The following RAD51B variants were observed in gnomAD, a reference collection of about 807,000 sequenced individuals.
RAD51B encodes the protein RAD51 paralog B.
In RAD51B, 38 loss-of-function variants were observed where a neutral mutation model predicts 42.2. The ratio of observed to expected loss-of-function variants is 0.90; its 90% CI spans 0.70 to 1.18. The LOEUF (loss-of-function observed/expected upper bound fraction) is 1.18, where lower values mean the gene tolerates loss of function less well. Ranked by LOEUF, RAD51B falls within the 50% of genes most tolerant of loss-of-function variation. RAD51B has a pLI of 0.00. For missense variants in RAD51B, 373 were observed against 400.7 expected, an observed-to-expected ratio of 0.93 and a Z score of 0.59; for synonymous variants, 154 against 145.2, an observed-to-expected ratio of 1.06 and a Z score of -0.43.
intron 11 of RAD51B, among the ~76,000 whole-genome samples, chr14:68,661,690 G>A (rs1202184954): frequency 6.6e-6 from 1 of 152,226 alleles, no homozygotes; most frequent in Non-Finnish European, 1.5e-5. Flanking sequence ...CCAGGCATTG[G>A]AATTCAACAG....
chr14:68,072,148 TTA>T (rs1036536931), intron 7 of RAD51B, among the ~76,000 whole-genome samples: 4 of 133,768 alleles, frequency 3.0e-5, no homozygotes, highest in African/African-American at 1.2e-4. Context: ...TATATATATT[TTA>T]TATATATTTT....
intron 10 of RAD51B, among the ~76,000 whole-genome samples, chr14:68,555,835 G>A (rs1400468962): frequency 6.6e-6 from 1 of 152,156 alleles, no homozygotes; most frequent in Non-Finnish European, 1.5e-5. Flanking sequence ...CTCACCATTA[G>A]ACACACAGGG....
intron 7 of RAD51B, among the ~76,000 whole-genome samples, chr14:67,983,381 C>T (rs1310808330): frequency 6.6e-6 from 1 of 152,162 alleles, no homozygotes; most frequent in African/African-American, 2.4e-5. Flanking sequence ...CTGCTATTGA[C>T]ATAAGAAGGC....
intron 7 of RAD51B, among the ~76,000 whole-genome samples, chr14:68,126,253 T>C (rs2077757396): frequency 1.3e-5 from 2 of 152,334 alleles, no homozygotes; most frequent in African/African-American, 2.4e-5. Flanking sequence ...TTCCCTTAGT[T>C]TATGTAGCCT....
At chr14:67,971,652 A>T (rs1250312732) in intron 7 of RAD51B, among the ~76,000 whole-genome samples, 1 of 152,086 alleles carries the variant, frequency 6.6e-6, no homozygotes, top group Non-Finnish European at 1.5e-5. Flanking sequence ...ATTGTTCTTG[A>T]TGTATTCCAG....
At chr14:68,432,855 A>G (rs1317220895) in intron 9 of RAD51B, among the ~76,000 whole-genome samples, 2 of 152,154 alleles carry the variant, frequency 1.3e-5, no homozygotes, top group African/African-American at 4.8e-5. Flanking sequence ...GATGGTCTTT[A>G]CAATTTGGCG....
chr14:68,535,626 G>C (rs999871043), intron 10 of RAD51B, among the ~76,000 whole-genome samples: 1 of 152,180 alleles, frequency 6.6e-6, no homozygotes, highest in Admixed American at 6.5e-5. Flanking sequence ...ATCTGGGAGC[G>C]CCCTCCGAAG....
At chr14:68,484,359 CTTTTTT>C (rs10665607) in intron 10 of RAD51B, among the ~76,000 whole-genome samples, 3 of 130,180 alleles carry the variant, frequency 2.3e-5, no homozygotes, top group Non-Finnish European at 4.7e-5. Context: ...CTTTCTTTTT[CTTTTTT>C]TTTTTTTTTT....
At chr14:68,377,868 G>A (rs7149619) in intron 8 of RAD51B, among the ~76,000 whole-genome samples, 18,852 of 152,210 alleles carry the variant, frequency 0.12, 2,641 homozygotes, top group African/African-American at 0.35. Flanking sequence ...ATTGGGAGCT[G>A]TAGATTCTTG....
intron 7 of RAD51B, among the ~76,000 whole-genome samples, chr14:67,893,509 CA>C (rs71129863): frequency 4.8e-5 from 4 of 83,770 alleles, no homozygotes; most frequent in African/African-American, 1.9e-4. Flanking sequence ...CACACACACA[CA>C]AAAAAAAACA....
At chr14:68,421,767 C>T in intron 9 of RAD51B, 1 of 1,597,764 alleles carries the variant, frequency 6.3e-7, no homozygotes, top group Non-Finnish European at 8.5e-7. Flanking sequence ...ACCCAAAGCA[C>T]TCCATGCCTC....
intron 3 of RAD51B, among the ~76,000 whole-genome samples, chr14:67,830,825 A>G (rs1246683995): frequency 2.0e-5 from 3 of 152,046 alleles, no homozygotes; most frequent in African/African-American, 7.2e-5. Flanking sequence ...TCCTGAGATC[A>G]GGAATACTGG....
intron 10 of RAD51B, among the ~76,000 whole-genome samples, chr14:68,503,873 G>A (rs544855911): frequency 6.6e-6 from 1 of 152,246 alleles, no homozygotes; most frequent in South Asian, 2.1e-4. Flanking sequence ...GGTGCAAGGA[G>A]GACTTTTTTG....
chr14:68,155,223 G>A lies in RAD51B; in HGVS notation c.757-136661G>A, dbSNP rs189393382. On this transcript the variant is annotated intron_variant, in intron 7 of 10. Transcript: ENST00000471583. ...TTTTTTTTTTTTGAGGTGGAGTCTCGCTCTATTGCCCAGGCTGGAGTGCAG... is the reference window on the plus strand; with the variant it reads ...TTTTTTTTTTTTGAGGTGGAGTCTCACTCTATTGCCCAGGCTGGAGTGCAG... Among the ~76,000 whole-genome samples, 184 of 150,022 alleles carry A rather than the reference G, an allele frequency of 1.2e-3. 1 individual carries two copies. The highest frequency in any genetic ancestry group is 4.3e-3 in the African/African-American group (177 of 40,762).
chr14:68,277,248 A>G (rs1447313796), intron 7 of RAD51B, among the ~76,000 whole-genome samples: 2 of 152,224 alleles, frequency 1.3e-5, no homozygotes, highest in East Asian at 1.9e-4. Context: ...AGAGACAGCC[A>G]TAGGTCCTAA....
intron 7 of RAD51B, among the ~76,000 whole-genome samples, chr14:67,910,710 A>G (rs1040283067): frequency 6.6e-6 from 1 of 152,166 alleles, no homozygotes; most frequent in African/African-American, 2.4e-5. Flanking sequence ...ATAGCCTAGT[A>G]TAATTTATAT....
chr14:68,330,952 T>G (rs1034879579), intron 8 of RAD51B, among the ~76,000 whole-genome samples: 1 of 152,180 alleles, frequency 6.6e-6, no homozygotes, highest in African/African-American at 2.4e-5. Flanking sequence ...CTACTGCAAC[T>G]TAATTGGCAT....
At chr14:68,263,910 G>A (rs750037821) in intron 7 of RAD51B, among the ~76,000 whole-genome samples, 19 of 152,234 alleles carry the variant, frequency 1.2e-4, no homozygotes, top group Non-Finnish European at 2.5e-4. Flanking sequence ...TATGCAAAGA[G>A]AAGTCAACAG....
chr14:68,241,475 G>A (rs970812922), intron 7 of RAD51B, among the ~76,000 whole-genome samples: 34 of 152,140 alleles, frequency 2.2e-4, no homozygotes, highest in African/African-American at 7.2e-4. Context: ...CCAGGAGGCC[G>A]AGCTTGCAGT....
Sources: allele counts gnomAD v4.1 joint callset (sites outside exome capture counted in the v4.1 genomes callset), GRCh38; gene constraint gnomAD v4.1.1; transcripts MANE v1.5; gene names NCBI Gene and HGNC (gene_info 2026-07-23, HGNC 2026-07-21).